The following ABTB3 variants were observed in gnomAD, a reference collection of about 807,000 sequenced individuals.
ABTB3 encodes the protein ankyrin repeat- and BTB/POZ domain-containing protein 3.
the ABTB3 span, among the ~76,000 whole-genome samples, chr12:107,347,370 C>A: frequency 6.6e-6 from 1 of 152,126 alleles, no homozygotes; most frequent in East Asian, 1.9e-4. Flanking sequence ...TTAACTATTG[C>A]TGCATAACAA....
At chr12:107,422,586 G>C in the ABTB3 span, among the ~76,000 whole-genome samples, 1 of 152,234 alleles carries the variant, frequency 6.6e-6, no homozygotes, top group Non-Finnish European at 1.5e-5. Context: ...TTGATGGCTT[G>C]GACCTTGATG....
At chr12:107,468,543 A>G in the ABTB3 span, among the ~76,000 whole-genome samples, 11 of 152,116 alleles carry the variant, frequency 7.2e-5, no homozygotes, top group South Asian at 2.1e-4. Context: ...TCAAAGATCC[A>G]CTGTGGTTGA....
At chr12:107,380,276 C>G in the ABTB3 span, among the ~76,000 whole-genome samples, 1 of 152,184 alleles carries the variant, frequency 6.6e-6, no homozygotes, top group Non-Finnish European at 1.5e-5. Flanking sequence ...GTTTTCATTA[C>G]TCTCCTGAAT....
At chr12:107,622,391 A>G in the ABTB3 span, among the ~76,000 whole-genome samples, 18 of 152,342 alleles carry the variant, frequency 1.2e-4, no homozygotes, top group Admixed American at 2.6e-4. Context: ...CCTGTCGGAC[A>G]ATAGGGCAGC....
chr12:107,477,405 C>T, the ABTB3 span, among the ~76,000 whole-genome samples: 4 of 152,134 alleles, frequency 2.6e-5, no homozygotes, highest in African/African-American at 9.7e-5. Context: ...CAGGCATTGG[C>T]GCTAAGACTT....
chr12:107,382,033 A>G, the ABTB3 span, among the ~76,000 whole-genome samples: 1 of 152,162 alleles, frequency 6.6e-6, no homozygotes, highest in African/African-American at 2.4e-5. Flanking sequence ...TCATACCTAA[A>G]CCATGGAGCT....
At chr12:107,400,644 A>G in the ABTB3 span, among the ~76,000 whole-genome samples, 1 of 152,170 alleles carries the variant, frequency 6.6e-6, no homozygotes, top group Admixed American at 6.5e-5. Flanking sequence ...TACTCAGAGC[A>G]TGGTGTCTGG....
the ABTB3 span, among the ~76,000 whole-genome samples, chr12:107,373,298 A>G: frequency 6.6e-6 from 1 of 152,130 alleles, no homozygotes; most frequent in Non-Finnish European, 1.5e-5. Flanking sequence ...CACTTCCTCA[A>G]AGGCTGTTCC....
chr12:107,398,631 C>T, the ABTB3 span, among the ~76,000 whole-genome samples: 2 of 152,124 alleles, frequency 1.3e-5, no homozygotes, highest in Admixed American at 1.3e-4. Context: ...ACTTGGCTCT[C>T]ATGCTGTTCA....
the ABTB3 span, among the ~76,000 whole-genome samples, chr12:107,372,674 C>T: frequency 6.6e-6 from 1 of 152,210 alleles, no homozygotes; most frequent in Admixed American, 6.5e-5. Context: ...GCCTCTATCA[C>T]ACCTGGCAGC....
At chr12:107,522,550 CTA>C in the ABTB3 span, among the ~76,000 whole-genome samples, 6 of 151,420 alleles carry the variant, frequency 4.0e-5, no homozygotes, top group African/African-American at 1.5e-4. Context: ...CACCCACACT[CTA>C]TATTTTATTT....
the ABTB3 span, among the ~76,000 whole-genome samples, chr12:107,330,493 A>C: frequency 6.6e-6 from 1 of 152,224 alleles, no homozygotes; most frequent in Non-Finnish European, 1.5e-5. Context: ...AGTCTGAGGG[A>C]CTTCAAATTT....
At chr12:107,326,753 C>T in the ABTB3 span, among the ~76,000 whole-genome samples, 3 of 152,210 alleles carry the variant, frequency 2.0e-5, no homozygotes, top group Non-Finnish European at 4.4e-5. Context: ...TCATATCCCA[C>T]ATCTGAGCAG....
the ABTB3 span, among the ~76,000 whole-genome samples, chr12:107,459,631 C>T: frequency 1.3e-4 from 20 of 152,212 alleles, no homozygotes; most frequent in Admixed American, 2.6e-4. Context: ...AAGAATATTA[C>T]GGGCAGAGGG....
At chr12:107,464,503 G>C in the ABTB3 span, among the ~76,000 whole-genome samples, 1 of 152,094 alleles carries the variant, frequency 6.6e-6, no homozygotes, top group African/African-American at 2.4e-5. Flanking sequence ...TAAGGCTGGG[G>C]TCTCACTATG....
the ABTB3 span, among the ~76,000 whole-genome samples, chr12:107,425,254 G>A: frequency 2.0e-5 from 3 of 152,150 alleles, no homozygotes; most frequent in Non-Finnish European, 4.4e-5. Flanking sequence ...GATTGCACAC[G>A]TAATACTTCC....
At chr12:107,352,625 G>A in the ABTB3 span, among the ~76,000 whole-genome samples, 3 of 152,148 alleles carry the variant, frequency 2.0e-5, no homozygotes, top group Non-Finnish European at 2.9e-5. Context: ...CTGTGAGAGC[G>A]TGCCTTTTTC....
chr12:107,614,529 G>T, the ABTB3 span, among the ~76,000 whole-genome samples: 1 of 152,078 alleles, frequency 6.6e-6, no homozygotes, highest in African/African-American at 2.4e-5. Context: ...AGTGTGGATG[G>T]CATGGTAGTG....
chr12:107,342,264 G>A, the ABTB3 span, among the ~76,000 whole-genome samples: 1 of 152,022 alleles, frequency 6.6e-6, no homozygotes, highest in Non-Finnish European at 1.5e-5. Flanking sequence ...TGGGGGGAGG[G>A]GGTGGTGGAA....
Sources: gnomAD v4.1 joint callset for allele counts (sites outside exome capture counted in the v4.1 genomes callset) on GRCh38, gnomAD v4.1.1 for gene constraint, MANE v1.5 for transcripts, NCBI Gene and HGNC (gene_info 2026-07-23, HGNC 2026-07-21) for gene names.